The following PMEPA1 variants were observed in gnomAD, a reference collection of about 807,000 sequenced individuals.
PMEPA1 encodes protein TMEPAI.
Under a neutral mutation model 23.0 loss-of-function variants are expected in PMEPA1, and 11 were observed. That is an observed-to-expected ratio of 0.48 (90% CI 0.30 to 0.79). The LOEUF (loss-of-function observed/expected upper bound fraction) is 0.79. PMEPA1 is among the 30% of genes least tolerant of loss of function. PMEPA1 has a pLI of 0.06. For missense variants in PMEPA1, 377 were observed against 390.9 expected, an observed-to-expected ratio of 0.96 and a Z score of 0.30; for synonymous variants, 204 against 166.4, an observed-to-expected ratio of 1.23 and a Z score of -1.74.
At chr20:57,677,901 G>A (rs984890301) in intron 1 of PMEPA1, among the ~76,000 whole-genome samples, 6 of 152,220 alleles carry the variant, frequency 3.9e-5, no homozygotes, top group African/African-American at 1.4e-4. Context: ...CTACAGCAAC[G>A]TGGAGACATC....
chr20:57,703,447 C>G (rs2072037973), intron 1 of PMEPA1, among the ~76,000 whole-genome samples: 1 of 152,226 alleles, frequency 6.6e-6, no homozygotes, highest in Admixed American at 6.5e-5. Context: ...GTTGACCTCA[C>G]GGCCCCAGTT....
At chr20:57,668,602 T>A (rs1041483565) in intron 1 of PMEPA1, among the ~76,000 whole-genome samples, 2 of 152,222 alleles carry the variant, frequency 1.3e-5, no homozygotes, top group African/African-American at 4.8e-5. Context: ...CCATCACTTA[T>A]GTGCAGTGTA....
upstream of PMEPA1, chr20:57,710,946 G>A (rs1039738539): frequency 1.3e-5 from 2 of 153,010 alleles, no homozygotes; most frequent in African/African-American, 4.8e-5. Context: ...GGCACTTAAG[G>A]AGCACCTACC....
In PMEPA1 at chr20:57,682,789, G is replaced by A. The variant is rs1272860968; in HGVS notation, c.110-23092C>T. On this transcript the variant is annotated intron_variant, in intron 1 of 3. Coordinates refer to ENST00000341744, the MANE Select transcript of PMEPA1 (RefSeq NM_020182.5). This position sits in a 1 kb window ranked among gnomAD's most constrained non-coding sequence, Gnocchi z 4.4. ...AAATATTTCTGCTAGATGCTGCCTGGGAGCTGGGCTTTCTGCATGAGCAGG... is the reference window on the plus strand; with the variant it reads ...AAATATTTCTGCTAGATGCTGCCTGAGAGCTGGGCTTTCTGCATGAGCAGG... 6.6e-6 allele frequency among the ~76,000 whole-genome samples: 1 copy of A among 152,262 alleles called. No individual in the cohort carries two copies. Among genetic ancestry groups the A allele is most frequent in the Non-Finnish European group, 1.5e-5 (1 of 68,042 alleles).
intron 1 of PMEPA1, among the ~76,000 whole-genome samples, chr20:57,685,352 C>T (rs376258933): frequency 2.0e-5 from 3 of 152,192 alleles, no homozygotes; most frequent in Non-Finnish European, 1.5e-5. Flanking sequence ...TTTGAAATCC[C>T]GCTTTAAATA....
At chr20:57,706,756 G>A (rs997197036) in intron 1 of PMEPA1, among the ~76,000 whole-genome samples, 1 of 152,142 alleles carries the variant, frequency 6.6e-6, no homozygotes, top group East Asian at 1.9e-4. Context: ...GCTGGTGTGG[G>A]TTTTGGACCT....
chr20:57,679,057 C>A (rs770295912), intron 1 of PMEPA1, among the ~76,000 whole-genome samples: 1 of 152,220 alleles, frequency 6.6e-6, no homozygotes, highest in African/African-American at 2.4e-5. Context: ...AAGAGTCCTC[C>A]TCTGTCTTCT....
chr20:57,708,422 C>T (rs2072117355), intron 1 of PMEPA1, among the ~76,000 whole-genome samples: 1 of 152,320 alleles, frequency 6.6e-6, no homozygotes, highest in Non-Finnish European at 1.5e-5. Flanking sequence ...TCCACTCAAC[C>T]AAATGTCCAC....
chr20:57,688,878 AC>A lies in PMEPA1; in HGVS notation c.109+20595del, dbSNP rs2071837180. Among the ~76,000 whole-genome samples, 3 of 152,064 alleles carry A rather than the reference AC, an allele frequency of 2.0e-5. No homozygotes were observed. In the South Asian group the frequency reaches 6.2e-4, roughly 32 times the overall value. ...CCGCCTGTCCTCCCCTTTACGAGGC[AC>A]CCAGGCATGGTGAGCATTCCCTGAG... On this transcript the variant is annotated intron_variant, in intron 1 of 3. Coordinates refer to ENST00000341744, the MANE Select transcript of PMEPA1 (RefSeq NM_020182.5).
chr20:57,652,994 G>A lies in PMEPA1; in HGVS notation c.318+39C>T, dbSNP rs1233265294. On this transcript the variant is annotated intron_variant, in intron 3 of 3. Coordinates refer to ENST00000341744, the MANE Select transcript of PMEPA1 (RefSeq NM_020182.5). The surrounding 1 kb of genome is among the most constrained non-coding windows in gnomAD (Gnocchi z 6.1). ...GCCGCAGCGGGAGCAGCCCAGGGTG[G>A]GATGGGGGTGTTGGAGGGGAGGCCG... The A allele has an allele frequency of 6.5e-7, 1 of 1,547,694 alleles. No individual in the cohort carries two copies.
intron 1 of PMEPA1, among the ~76,000 whole-genome samples, chr20:57,689,839 C>G (rs561653074): frequency 3.9e-5 from 6 of 152,164 alleles, no homozygotes; most frequent in Non-Finnish European, 8.8e-5. Flanking sequence ...ACCACAGAAG[C>G]CTTTGATTGT....
chr20:57,692,127 AG>A (rs1156997057), intron 1 of PMEPA1, among the ~76,000 whole-genome samples: 2 of 152,240 alleles, frequency 1.3e-5, no homozygotes, highest in African/African-American at 4.8e-5. Context: ...GCATTTACAA[AG>A]CACCCAGGAC....
intron 2 of PMEPA1, among the ~76,000 whole-genome samples, chr20:57,658,495 C>T (rs563687667): frequency 6.4e-4 from 97 of 152,290 alleles, no homozygotes; most frequent in Non-Finnish European, 1.0e-3. Context: ...TTGCATACCC[C>T]GTGTGTGTGC....
intron 1 of PMEPA1, among the ~76,000 whole-genome samples, chr20:57,668,492 T>C (rs2071524065): frequency 6.6e-6 from 1 of 152,170 alleles, no homozygotes; most frequent in African/African-American, 2.4e-5. Context: ...TGGGCTAGGC[T>C]CCTCCTACGC....
intron 1 of PMEPA1, among the ~76,000 whole-genome samples, chr20:57,693,516 C>T (rs1301105385): frequency 6.6e-6 from 1 of 152,172 alleles, no homozygotes; most frequent in African/African-American, 2.4e-5. Context: ...CAGACGGTGG[C>T]GGCCAGCAGG....
intron 1 of PMEPA1, among the ~76,000 whole-genome samples, chr20:57,675,533 A>T (rs1190562324): frequency 1.3e-5 from 2 of 150,994 alleles, no homozygotes; most frequent in Non-Finnish European, 2.9e-5. Context: ...GCCCAGGAAG[A>T]CCCCTGGCCC....
upstream of PMEPA1, chr20:57,710,642 T>C: frequency 1.7e-6 from 1 of 572,424 alleles, no homozygotes; most frequent in South Asian, 2.6e-5. Flanking sequence ...ACTGGTGTAT[T>C]GTCGCCGCCC....
intron 1 of PMEPA1, among the ~76,000 whole-genome samples, chr20:57,667,771 G>C (rs2071514827): frequency 1.3e-5 from 2 of 152,266 alleles, no homozygotes; most frequent in Admixed American, 6.5e-5. Flanking sequence ...AGCCCCAGCG[G>C]CCCTGGGGTT....
At chr20:57,681,169 G>A (rs1373486399) in intron 1 of PMEPA1, among the ~76,000 whole-genome samples, 1 of 152,164 alleles carries the variant, frequency 6.6e-6, no homozygotes, top group Admixed American at 6.5e-5. Flanking sequence ...GAGTGCTGGT[G>A]GGGCAGGGGT....
Sources: allele counts gnomAD v4.1 joint callset (sites outside exome capture counted in the v4.1 genomes callset), GRCh38; gene constraint gnomAD v4.1.1; non-coding constraint Gnocchi (gnomAD v3.1); transcripts MANE v1.5; gene names NCBI Gene and HGNC (gene_info 2026-07-23, HGNC 2026-07-21).